The following ADGRL1 variants were observed in gnomAD, a reference collection of about 807,000 sequenced individuals.
The protein encoded by ADGRL1 is adhesion G protein-coupled receptor L1, also known as CIRL-1.
ADGRL1 carries 31 observed loss-of-function variants against 148.9 expected under a neutral mutation model. That is an observed-to-expected ratio of 0.21 (90% CI 0.16 to 0.28). The LOEUF (loss-of-function observed/expected upper bound fraction) is 0.28. Among genes scored for constraint, ADGRL1 ranks in the 10% least tolerant of loss-of-function variants. ADGRL1 has a pLI of 1.00. For synonymous variants in ADGRL1, 937 were observed against 900.3 expected, an observed-to-expected ratio of 1.04 and a Z score of -0.73; for missense variants, 1,521 against 2,058.8, an observed-to-expected ratio of 0.74 and a Z score of 5.05.
At chr19:14,195,222 G>A (rs1263145574) in intron 1 of ADGRL1, among the ~76,000 whole-genome samples, 5 of 152,062 alleles carry the variant, frequency 3.3e-5, no homozygotes, top group East Asian at 1.9e-4. Flanking sequence ...CATGGGAAAC[G>A]GGGCTGCACA....
At position 14,156,283 on chromosome 19, in the gene ADGRL1, C is replaced by T. The variant is rs117537528; in HGVS notation, c.3034-82G>A. 180 of 1,130,550 alleles carry T rather than the reference C, an allele frequency of 1.6e-4. 1 individual carries two copies. The highest frequency in any genetic ancestry group is 2.1e-4 in the Middle Eastern group (1 of 4,720). The allele number at this position is 1,130,550 out of a possible 1,614,324, so 70.0% of individuals were successfully genotyped here. A position where few individuals can be genotyped will look rare whatever the true frequency, so the allele number is the denominator to read the frequency against. On this transcript the variant is annotated intron_variant, in intron 16 of 22. Coordinates refer to ENST00000361434, the MANE Select transcript of ADGRL1 (RefSeq NM_014921.5). Reference sequence around the variant, plus strand: ...GCACTGAGGCTAGGGCCCAGCCTGGCGAAATCTCAGCTGTGGCCCTCGCCT... The same window carrying T: ...GCACTGAGGCTAGGGCCCAGCCTGGTGAAATCTCAGCTGTGGCCCTCGCCT...
At chr19:14,170,832 AC>A in intron 3 of ADGRL1, 41 bp from the exon 4 acceptor site, 2 of 500,128 alleles carry the variant, frequency 4.0e-6, no homozygotes, top group Admixed American at 2.4e-5. Context: ...AAACACATAG[AC>A]GGGGTGGCGG....
chr19:14,174,098 A>G (rs2144916329), intron 3 of ADGRL1, among the ~76,000 whole-genome samples: 1 of 152,204 alleles, frequency 6.6e-6, no homozygotes, highest in African/African-American at 2.4e-5. Flanking sequence ...AGCCCCGGTA[A>G]CTATTCTGCA....
chr19:14,160,314 CG>C lies in ADGRL1; in HGVS notation c.1615-18del. ...ACTCTTGATCTGCATGAGGTGGGGGCGGGAAGGGGGAATCCCAGGACTGTCA... is the reference window on the plus strand; with the variant it reads ...ACTCTTGATCTGCATGAGGTGGGGGCGGAAGGGGGAATCCCAGGACTGTCA... On this transcript the variant is annotated intron_variant, in intron 7 of 22. Transcript: ENST00000361434. The surrounding 1 kb of genome is among the most constrained non-coding windows in gnomAD (Gnocchi z 5.9). The C allele has an allele frequency of 1.3e-6, 2 of 1,577,656 alleles. No homozygotes were observed.
intron 1 of ADGRL1, among the ~76,000 whole-genome samples, chr19:14,197,947 G>T (rs1418612609): frequency 6.6e-6 from 1 of 152,184 alleles, no homozygotes; most frequent in Non-Finnish European, 1.5e-5. Flanking sequence ...TTGACAGGGG[G>T]TATACATGTA....
rs371573087 is a variant in ADGRL1, at chr19:14,187,430, G to A, written c.-95-3733C>T. On this transcript the variant is annotated intron_variant, in intron 1 of 22. Coordinates refer to ENST00000361434, the MANE Select transcript of ADGRL1 (RefSeq NM_014921.5). The stretch of plus-strand genomic sequence containing the variant: ...CTGGTCCAGACCCCAGTCTCCTCAC[G>A]TGGGAAATGGGAAGATAATATCTGC... Among the ~76,000 whole-genome samples, 113 of 152,204 alleles carry A rather than the reference G, an allele frequency of 7.4e-4. 1 individual carries two copies. In the South Asian group the frequency reaches 0.018, roughly 25 times the overall value.
chr19:14,169,700 C>G (rs552646603), intron 4 of ADGRL1: 1 of 152,082 alleles, frequency 6.6e-6, no homozygotes, highest in Non-Finnish European at 1.5e-5. Context: ...TCCCCAAACC[C>G]GGCCCGCCAC....
intron 3 of ADGRL1, among the ~76,000 whole-genome samples, chr19:14,174,689 C>A (rs1970698781): frequency 1.3e-5 from 2 of 151,756 alleles, no homozygotes; most frequent in Admixed American, 1.3e-4. Context: ...GCTCACACCA[C>A]CGTATCAGGC....
At position 14,187,114 on chromosome 19, in the gene ADGRL1, G is replaced by C. The variant is rs1459572996; in HGVS notation, c.-95-3417C>G. Among the ~76,000 whole-genome samples, 5 of 152,304 alleles carry C rather than the reference G, an allele frequency of 3.3e-5. No homozygotes were observed. In the East Asian group the frequency reaches 9.6e-4, roughly 29 times the overall value. Reference sequence around the variant, plus strand: ...GCACTTTGGGAAGCCGAGGCGGGTGGATCACCAGAGGTGGGAGTTCGAGAC... The same window carrying C: ...GCACTTTGGGAAGCCGAGGCGGGTGCATCACCAGAGGTGGGAGTTCGAGAC... On this transcript the variant is annotated intron_variant, in intron 1 of 22. Coordinates refer to ENST00000361434, the MANE Select transcript of ADGRL1 (RefSeq NM_014921.5).
rs778947315 is a variant in ADGRL1, at chr19:14,151,227, A to G, written c.4056T>C (p.Asp1352=). The G allele has an allele frequency of 6.2e-7, 1 of 1,611,968 alleles. No individual in the cohort carries two copies. The highest frequency in any genetic ancestry group is 1.3e-5 in the African/African-American group (1 of 74,964). Residue 1352 remains aspartate, a synonymous_variant, in exon 23 of 23, where the codon GAT becomes GAC. Transcript: ENST00000361434. ...CCGTGCAGCTCTCCGACTCGTCCAG[A>G]TCGCTCTGGTACAGCACCGACTGGG... ...PRAQSVLYQS[D]LDESESCTAE... is the part of the protein sequence containing the mutation.
In ADGRL1 at chr19:14,160,442, C is replaced by T. The variant is rs368461287; in HGVS notation, c.1615-145G>A. 168 of 943,202 alleles carry T rather than the reference C, an allele frequency of 1.8e-4. No individual in the cohort carries two copies. The African/African-American group carries it at 2.5e-3, about 14-fold the overall frequency. 58.4% of individuals were successfully genotyped at this position (943,202 alleles called of 1,614,324 possible). A position where few individuals can be genotyped will look rare whatever the true frequency, so the allele number is the denominator to read the frequency against. The stretch of plus-strand genomic sequence containing the variant: ...CTGCCCCTTCCCACCCCATCTGTCC[C>T]TGCTCCCTTTGTAGGCCAGGGAGGT... On this transcript the variant is annotated intron_variant, in intron 7 of 22. Coordinates refer to ENST00000361434, the MANE Select transcript of ADGRL1 (RefSeq NM_014921.5). This position sits in a 1 kb window ranked among gnomAD's most constrained non-coding sequence, Gnocchi z 5.9.
At chr19:14,203,083 T>G (rs553431322) in intron 1 of ADGRL1, among the ~76,000 whole-genome samples, 1 of 152,082 alleles carries the variant, frequency 6.6e-6, no homozygotes, top group East Asian at 1.9e-4. Flanking sequence ...TAGCAACCAC[T>G]TTGCCCCAAA....
At chr19:14,185,395 G>A (rs1190647899) in intron 1 of ADGRL1, among the ~76,000 whole-genome samples, 1 of 152,294 alleles carries the variant, frequency 6.6e-6, no homozygotes, top group Non-Finnish European at 1.5e-5. Flanking sequence ...CTGGGTTCAA[G>A]TGATGCTCCT....
chr19:14,188,086 GACCCTCTCTTAATAAAAATAAATAAATAA>G (rs1170177360), intron 1 of ADGRL1, among the ~76,000 whole-genome samples: 1 of 152,028 alleles, frequency 6.6e-6, no homozygotes, highest in Non-Finnish European at 1.5e-5. Flanking sequence ...AACAGAGCAA[GACCCTCTCTTAATAAAAATAAATAAATAA>G]ATAAATGGCA....
intron 2 of ADGRL1, 90 bp downstream of exon 2, chr19:14,183,443 T>A (rs1171620558): frequency 8.1e-6 from 10 of 1,234,694 alleles, no homozygotes; most frequent in Non-Finnish European, 1.0e-5. Flanking sequence ...AATTCTTTAC[T>A]GAGTGATCAG....
At chr19:14,175,614 TCAGA>T (rs773939841) in intron 3 of ADGRL1, among the ~76,000 whole-genome samples, 8 of 150,716 alleles carry the variant, frequency 5.3e-5, no homozygotes, top group South Asian at 2.1e-4. Flanking sequence ...ACAGACACAC[TCAGA>T]CACACTCAAA....
At chr19:14,173,587 G>A (rs927208184) in intron 3 of ADGRL1, among the ~76,000 whole-genome samples, 1 of 152,062 alleles carries the variant, frequency 6.6e-6, no homozygotes, top group Non-Finnish European at 1.5e-5. Context: ...CGTTGTACAC[G>A]CACGTTCACA....
At chr19:14,184,353 G>T (rs911747708) in intron 1 of ADGRL1, among the ~76,000 whole-genome samples, 3 of 151,976 alleles carry the variant, frequency 2.0e-5, no homozygotes, top group African/African-American at 7.2e-5. Flanking sequence ...GGAGGGGTGA[G>T]AATTGTGTGC....
In ADGRL1 at chr19:14,161,249, T is replaced by G; in HGVS notation, c.1510+63A>C. ...GTAGAGACCCCCACCCACACATGCA[T>G]CTGTGCTAAGCTGCTGGGGGCATGG... On this transcript the variant is annotated intron_variant, in intron 6 of 22. Transcript: ENST00000361434. The surrounding 1 kb of genome is among the most constrained non-coding windows in gnomAD (Gnocchi z 4.4). The G allele has an allele frequency of 2.8e-6, 4 of 1,430,198 alleles. No homozygotes were observed. The South Asian group carries it at 5.6e-5, about 20-fold the overall frequency. 88.6% of individuals were successfully genotyped at this position (1,430,198 alleles called of 1,614,324 possible).
Sources: gnomAD v4.1 joint callset for allele counts (sites outside exome capture counted in the v4.1 genomes callset) on GRCh38, gnomAD v4.1.1 for gene constraint, Gnocchi (gnomAD v3.1) non-coding constraint, MANE v1.5 for transcripts, NCBI Gene and HGNC (gene_info 2026-07-23, HGNC 2026-07-21) for gene names.